The following RNF213 variants were observed in gnomAD, a reference collection of about 807,000 sequenced individuals.
RNF213 encodes the protein ring finger protein 213.
In RNF213, 341 loss-of-function variants were observed where a neutral mutation model predicts 514.4. The observed-to-expected ratio is 0.66, with a 90% CI of 0.61 to 0.73. The LOEUF (loss-of-function observed/expected upper bound fraction) is 0.73, where lower values mean the gene tolerates loss of function less well. RNF213 is among the 30% of genes least tolerant of loss of function. RNF213 has a pLI of 0.00. For missense variants in RNF213, 5,767 were observed against 6,615.6 expected, an observed-to-expected ratio of 0.87 and a Z score of 4.45; for synonymous variants, 2,655 against 2,658.2, an observed-to-expected ratio of 1.00 and a Z score of 0.04.
chr17:80,307,811 A>C (rs764323267), intron 13 of RNF213, among the ~76,000 whole-genome samples: 22 of 150,484 alleles, frequency 1.5e-4, no homozygotes, highest in Middle Eastern at 3.5e-3. Flanking sequence ...GGGCCTCCCA[A>C]AGTGCTGGGA....
chr17:80,287,382 A>G (rs1315557189), intron 3 of RNF213, among the ~76,000 whole-genome samples: 3 of 152,254 alleles, frequency 2.0e-5, no homozygotes, highest in Non-Finnish European at 2.9e-5. Flanking sequence ...GCTCACCTAT[A>G]GTCTCAGCTA....
chr17:80,333,241 T>A (rs2046467230), intron 21 of RNF213, among the ~76,000 whole-genome samples: 2 of 136,908 alleles, frequency 1.5e-5, no homozygotes, highest in African/African-American at 2.7e-5. Context: ...TTTTTTTTTT[T>A]AGCAGAGACA....
chr17:80,326,570 T>TG (rs1211440863), intron 18 of RNF213, among the ~76,000 whole-genome samples: 1 of 152,200 alleles, frequency 6.6e-6, no homozygotes, highest in Non-Finnish European at 1.5e-5. Flanking sequence ...GCAGAATAGT[T>TG]GCGCTGCCCC....
intron 3 of RNF213, among the ~76,000 whole-genome samples, chr17:80,286,057 T>C (rs2044460784): frequency 6.6e-6 from 1 of 152,200 alleles, no homozygotes; most frequent in Non-Finnish European, 1.5e-5. Flanking sequence ...GGCCCTGTTT[T>C]AGAGTCAGCC....
At chr17:80,261,810 G>C (rs1051874905) in intron 1 of RNF213, among the ~76,000 whole-genome samples, 3 of 152,184 alleles carry the variant, frequency 2.0e-5, no homozygotes, top group Non-Finnish European at 2.9e-5. Context: ...CCTGAGGTCG[G>C]GAGTTCGAGA....
At chr17:80,327,716 G>A in intron 18 of RNF213, 100 bp from the exon 19 acceptor site, 1 of 1,012,944 alleles carries the variant, frequency 9.9e-7, no homozygotes, top group Non-Finnish European at 1.4e-6. Context: ...GTTTGAGGAA[G>A]TGGGGGCAGA....
intron 13 of RNF213, 51 bp downstream of exon 13, chr17:80,307,252 C>T: frequency 6.5e-7 from 1 of 1,535,138 alleles, no homozygotes; most frequent in African/African-American, 1.4e-5. Context: ...CCCCCGGGGG[C>T]TTCCTCTGAC....
chr17:80,361,688 A>G (rs747771801), intron 38 of RNF213, 46 bp from the exon 39 acceptor site: 2 of 1,607,538 alleles, frequency 1.2e-6, no homozygotes, highest in Non-Finnish European at 1.7e-6. Context: ...GGGGAGCGCC[A>G]TGACTTAGAC....
chr17:80,385,688 A>G lies in RNF213; in HGVS notation c.14539+67A>G, dbSNP rs2080208268. On this transcript the variant is annotated intron_variant, in intron 61 of 67. Coordinates refer to ENST00000582970, the MANE Select transcript of RNF213 (RefSeq NM_001256071.3). ...GCCTCGTCTGAAAGCTCTTCTCGTC[A>G]GCCTGACTCGGCCCATCCCTGTCAA... The G allele has an allele frequency of 6.5e-6, 9 of 1,387,220 alleles. No homozygotes were observed. The South Asian group carries it at 9.4e-5, about 15-fold the overall frequency. 85.9% of individuals were successfully genotyped at this position (1,387,220 alleles called of 1,614,324 possible). A position where few individuals can be genotyped will look rare whatever the true frequency, so the allele number is the denominator to read the frequency against.
At chr17:80,363,896 T>G in intron 41 of RNF213, 106 bp downstream of exon 41, 1 of 1,096,088 alleles carries the variant, frequency 9.1e-7, no homozygotes, top group Non-Finnish European at 1.4e-6. Flanking sequence ...GCTCCTGCCA[T>G]GGGAGGGGCT....
rs1225921375 is a variant in RNF213, at chr17:80,381,529, G to A, written c.13798-18G>A. ...AAACCAGATCCCCGCTGAACACTCTGTTCCGTTGCCCCCACAGGCTCTGAT... is the reference window on the plus strand; with the variant it reads ...AAACCAGATCCCCGCTGAACACTCTATTCCGTTGCCCCCACAGGCTCTGAT... On this transcript the variant is annotated intron_variant, in intron 56 of 67. Coordinates refer to ENST00000582970, the MANE Select transcript of RNF213 (RefSeq NM_001256071.3). 6.2e-7 allele frequency: 1 copy of A among 1,613,884 alleles called. No individual in the cohort carries two copies. Among genetic ancestry groups the A allele is most frequent in the South Asian group, 1.1e-5 (1 of 91,052 alleles).
intron 42 of RNF213, 68 bp from the exon 43 acceptor site, chr17:80,367,680 C>T (rs1303076151): frequency 1.6e-6 from 2 of 1,260,572 alleles, no homozygotes; most frequent in East Asian, 4.6e-5. Context: ...GGTGCTCCCT[C>T]TGTCGCCCGG....
In RNF213 at chr17:80,288,438, C is replaced by A. The variant is rs369647453; in HGVS notation, c.810+75C>A. The A allele has an allele frequency of 1.3e-6, 2 of 1,598,546 alleles. No individual in the cohort carries two copies. The highest frequency in any genetic ancestry group is 2.7e-5 in the African/African-American group (2 of 74,674). On this transcript the variant is annotated intron_variant, in intron 4 of 67. Transcript: ENST00000582970. This position sits in a 1 kb window ranked among gnomAD's most constrained non-coding sequence, Gnocchi z 4.9. ...CCTGGGCTCTGCTGCAAGGTGCTGG[C>A]GTTGCTTCCCTGCCGGGGGGAGGGG...
rs2078526285 is a variant in RNF213 at position 80,351,751 on chromosome 17, C to T, written c.10251C>T (p.Ile3417=). The T allele has an allele frequency of 6.2e-7, 1 of 1,613,112 alleles. No individual in the cohort carries two copies. The highest frequency in any genetic ancestry group is 1.1e-5 in the South Asian group (1 of 91,024). Residue 3417 remains isoleucine (I), a synonymous_variant, in exon 32 of 68, where the codon ATC becomes ATT. Coordinates refer to ENST00000582970, the MANE Select transcript of RNF213 (RefSeq NM_001256071.3). ...AGGACCGTATCTTCGTCTATTTCAT[C>T]ACAAAACTGTCCCGGGTGGGAAGAG... is the stretch of plus-strand genomic sequence containing the variant. The part of the protein sequence containing the change: ...ENEDRIFVYF[I]TKLSRVGRGT...
chr17:80,328,837 CATT>C (rs1293122382), intron 20 of RNF213, among the ~76,000 whole-genome samples: 1 of 152,132 alleles, frequency 6.6e-6, no homozygotes, highest in Non-Finnish European at 1.5e-5. Flanking sequence ...GGAGTTGCAT[CATT>C]GTTTAGGGTT....
rs2044885656 is a variant in RNF213, at chr17:80,295,079, T to C, written c.1755+76T>C. 1.9e-6 allele frequency: 3 copies of C among 1,570,292 alleles called. No individual in the cohort carries two copies. In the East Asian group the frequency reaches 6.7e-5, roughly 35 times the overall value. On this transcript the variant is annotated intron_variant, in intron 9 of 67. Transcript: ENST00000582970. Reference sequence around the variant, plus strand: ...GACCTGCTAGTGGCCGGATGACCCCTTGACTCTGTGGGCCAGGTTGCAAAT... The same window carrying C: ...GACCTGCTAGTGGCCGGATGACCCCCTGACTCTGTGGGCCAGGTTGCAAAT...
At chr17:80,365,547 C>A (rs931833895) in intron 42 of RNF213, among the ~76,000 whole-genome samples, 9 of 152,098 alleles carry the variant, frequency 5.9e-5, no homozygotes, top group Non-Finnish European at 1.3e-4. Flanking sequence ...TCCTTAAGAG[C>A]CCAATCCCGG....
intron 22 of RNF213, among the ~76,000 whole-genome samples, chr17:80,335,430 G>T (rs1294746853): frequency 6.6e-6 from 1 of 152,162 alleles, no homozygotes; most frequent in Non-Finnish European, 1.5e-5. Flanking sequence ...TCTTGGGAGA[G>T]CCGCTGCTTT....
At chr17:80,298,252 A>G in intron 10 of RNF213, 69 bp from the exon 11 acceptor site, 1 of 1,526,340 alleles carries the variant, frequency 6.6e-7, no homozygotes, top group Non-Finnish European at 9.0e-7. Context: ...TCCTGTTGGG[A>G]CTCCAGACTC....
Sources: gnomAD v4.1 joint callset for allele counts (sites outside exome capture counted in the v4.1 genomes callset) on GRCh38, gnomAD v4.1.1 for gene constraint, Gnocchi (gnomAD v3.1) non-coding constraint, MANE v1.5 for transcripts, NCBI Gene and HGNC (gene_info 2026-07-23, HGNC 2026-07-21) for gene names.